URGCP: variants seen among roughly 807,000 people sequenced by gnomAD.
URGCP encodes the protein up-regulator of cell proliferation.
URGCP carries 13 observed loss-of-function variants against 24.6 expected under a neutral mutation model. The observed-to-expected ratio is 0.53, with a 90% confidence interval of 0.34 to 0.84. The LOEUF (loss-of-function observed/expected upper bound fraction) is 0.84, where lower values mean the gene tolerates loss of function less well. Ranked by LOEUF, URGCP falls within the 40% of genes least tolerant of loss-of-function variation. URGCP has a pLI of 0.01. For synonymous variants in URGCP, 444 were observed against 487.2 expected, an observed-to-expected ratio of 0.91 and a Z score of 1.17; for missense variants, 899 against 1,194.3, an observed-to-expected ratio of 0.75 and a Z score of 3.64.
chr7:43,905,411 A>G (rs1216029925), intron 1 of URGCP, among the ~76,000 whole-genome samples: 2 of 152,160 alleles, frequency 1.3e-5, no homozygotes, highest in Non-Finnish European at 2.9e-5. Flanking sequence ...TCAGCTGGCA[A>G]TGAAAAGGCC....
chr7:43,923,281 CT>C (rs374239475), intron 1 of URGCP, among the ~76,000 whole-genome samples: 12,637 of 134,650 alleles, frequency 0.094, 808 homozygotes, highest in African/African-American at 0.19. Context: ...TGTGCCCAGC[CT>C]TTTTTTTTTT....
rs1175634699 is a variant in URGCP at position 43,919,913 on chromosome 7, G to A, written c.-116+6219C>T. 1.4e-5 allele frequency: 19 copies of A among 1,315,076 alleles called. No individual in the cohort carries two copies. In the South Asian group the frequency reaches 2.1e-4, roughly 15 times the overall value. 81.5% of individuals were successfully genotyped at this position (1,315,076 alleles called of 1,614,324 possible). A position where few individuals can be genotyped will look rare whatever the true frequency, so the allele number is the denominator to read the frequency against. On this transcript the variant is annotated intron_variant, in intron 1 of 5. Coordinates refer to the URGCP transcript ENST00000426198. ...AGCTGCGGAAGTGGGAGGCCTTCCT[G>A]GAGCCGTTCCGCAAGGAGGACATGT... is the stretch of plus-strand genomic sequence containing the variant.
intron 1 of URGCP, among the ~76,000 whole-genome samples, chr7:43,903,481 C>G (rs1049008395): frequency 6.6e-6 from 1 of 152,014 alleles, no homozygotes; most frequent in African/African-American, 2.4e-5. Context: ...TATGTAAAGC[C>G]AATTATACTT....
rs147977879 is a variant in URGCP at position 43,917,312 on chromosome 7, G to A, written c.-116+8820C>T. Among the ~76,000 whole-genome samples the A allele has an allele frequency of 6.1e-3, 924 of 152,318 alleles. 16 individuals are homozygous for A. Among genetic ancestry groups the A allele is most frequent in the African/African-American group, 0.021 (867 of 41,558 alleles). On this transcript the variant is annotated intron_variant, in intron 1 of 5. Transcript: ENST00000426198. ...TTGGTCTTAAGCTGTAGCCAAGCTGGTGTGCTCTGCATGTCTCTCCGTATA... is the reference window on the plus strand; with the variant it reads ...TTGGTCTTAAGCTGTAGCCAAGCTGATGTGCTCTGCATGTCTCTCCGTATA...
chr7:43,921,855 T>C (rs1290307538), intron 1 of URGCP, among the ~76,000 whole-genome samples: 1 of 152,166 alleles, frequency 6.6e-6, no homozygotes, highest in Non-Finnish European at 1.5e-5. Flanking sequence ...TGTTTTTCTG[T>C]AAATAATTGA....
In URGCP at chr7:43,890,371, C is replaced by T. The variant is rs535678131; in HGVS notation, c.15-2555G>A. Among the ~76,000 whole-genome samples, 344 of 151,792 alleles carry T rather than the reference C, an allele frequency of 2.3e-3. 1 individual carries two copies. The highest frequency in any genetic ancestry group is 7.9e-3 in the African/African-American group (328 of 41,370). On this transcript the variant is annotated intron_variant, in intron 1 of 5. Coordinates refer to ENST00000453200, the MANE Select transcript of URGCP (RefSeq NM_001077663.3). ...CTGGGACTACAGGCGCCCACGACCA[C>T]GCCCGGCTAATTTTTTTGTATTTTT...
intron 1 of URGCP, chr7:43,919,106 G>A: frequency 1.1e-6 from 1 of 891,108 alleles, no homozygotes; most frequent in South Asian, 1.3e-5. Flanking sequence ...GCTTTGTGCT[G>A]TGTCAGTTCA....
intron 3 of URGCP, among the ~76,000 whole-genome samples, chr7:43,883,360 A>AT (rs1379068898): frequency 0.072 from 7,045 of 97,494 alleles, 264 homozygotes; most frequent in African/African-American, 0.11. Flanking sequence ...ATATATATAT[A>AT]TATTTTTTTT....
At chr7:43,901,057 G>A (rs1395027258) in intron 1 of URGCP, among the ~76,000 whole-genome samples, 1 of 152,192 alleles carries the variant, frequency 6.6e-6, no homozygotes, top group Non-Finnish European at 1.5e-5. Flanking sequence ...CCAGGCCTAG[G>A]AGCCCTCCTC....
chr7:43,913,943 C>T lies in URGCP; in HGVS notation c.-116+12189G>A, dbSNP rs574186587. Among the ~76,000 whole-genome samples the T allele has an allele frequency of 2.6e-5, 4 of 152,262 alleles. No homozygotes were observed. The South Asian group carries it at 8.3e-4, about 32-fold the overall frequency. The stretch of plus-strand genomic sequence containing the variant: ...TGAACTCCTACCCTCAAGTGATCCA[C>T]CTGCCTTGGCCTACCAAAGTCCTGG... On this transcript the variant is annotated intron_variant, in intron 1 of 5. Coordinates refer to the URGCP transcript ENST00000426198.
chr7:43,906,454 G>A, intron 1 of URGCP, 108 bp downstream of exon 1: 2 of 1,058,452 alleles, frequency 1.9e-6, no homozygotes, highest in Non-Finnish European at 1.1e-6. Flanking sequence ...CCCTGGCCGG[G>A]TCCGGGCCGC....
In URGCP at chr7:43,903,663, C is replaced by G. The variant is rs545975939; in HGVS notation, c.14+2899G>C. On this transcript the variant is annotated intron_variant, in intron 1 of 5. Coordinates refer to ENST00000453200, the MANE Select transcript of URGCP (RefSeq NM_001077663.3). Reference sequence around the variant, plus strand: ...GTAACATTGTTAAGGATAAGAGCCCCTTTGAAAATCTGTTGAAAGCTACAG... The same window carrying G: ...GTAACATTGTTAAGGATAAGAGCCCGTTTGAAAATCTGTTGAAAGCTACAG... 1.2e-4 allele frequency among the ~76,000 whole-genome samples: 19 copies of G among 152,202 alleles called. No individual in the cohort carries two copies. The South Asian group carries it at 3.9e-3, about 32-fold the overall frequency.
chr7:43,897,594 A>T (rs1441954310), intron 1 of URGCP, among the ~76,000 whole-genome samples: 4 of 152,164 alleles, frequency 2.6e-5, no homozygotes, highest in Non-Finnish European at 4.4e-5. Context: ...GAAAAAAAAT[A>T]AAAATAAAAA....
rs562172736 is a variant in URGCP at position 43,914,289 on chromosome 7, C to G, written c.-116+11843G>C. 2.6e-5 allele frequency among the ~76,000 whole-genome samples: 4 copies of G among 152,164 alleles called. No individual in the cohort carries two copies. The East Asian group carries it at 7.7e-4, about 29-fold the overall frequency. On this transcript the variant is annotated intron_variant, in intron 1 of 5. Transcript: ENST00000426198. ...GCTGAGGTGGGGTGGATTGCTTGAG[C>G]CCAGGAGCTTGAGATCAGCCTGGGA...
At chr7:43,886,105 A>AT (rs1258397216) in intron 3 of URGCP, among the ~76,000 whole-genome samples, 1 of 152,194 alleles carries the variant, frequency 6.6e-6, no homozygotes, top group Non-Finnish European at 1.5e-5. Context: ...GCTTACAACA[A>AT]TGTTAGTGCA....
At chr7:43,911,525 G>A (rs547714292), upstream of URGCP, among the ~76,000 whole-genome samples, 11 of 152,208 alleles carry the variant, frequency 7.2e-5, no homozygotes, top group African/African-American at 2.2e-4. Context: ...GTGAAACCCC[G>A]TCTCTACTAA....
chr7:43,919,857 C>A, intron 1 of URGCP: 2 of 1,289,282 alleles, frequency 1.6e-6, no homozygotes, highest in Non-Finnish European at 2.3e-6. Context: ...CATCTCCTCA[C>A]TCTTCTAGAG....
At chr7:43,891,800 C>T (rs2095871171) in intron 1 of URGCP, among the ~76,000 whole-genome samples, 1 of 151,818 alleles carries the variant, frequency 6.6e-6, no homozygotes, top group Non-Finnish European at 1.5e-5. Context: ...TTTTTTTCCC[C>T]CCGAGACAGT....
intron 1 of URGCP, among the ~76,000 whole-genome samples, chr7:43,899,870 C>T (rs2095886520): frequency 6.6e-6 from 1 of 152,204 alleles, no homozygotes. Context: ...TGTGGTGGCT[C>T]ACGCCTATAA....
Sources: allele counts gnomAD v4.1 joint callset (sites outside exome capture counted in the v4.1 genomes callset), GRCh38; gene constraint gnomAD v4.1.1; transcripts MANE v1.5; gene names NCBI Gene and HGNC (gene_info 2026-07-23, HGNC 2026-07-21).